Variants in CSMD3 observed in about 807,000 individuals in gnomAD.
CSMD3 encodes the protein CUB and Sushi multiple domains 3.
CSMD3 carries 177 observed loss-of-function variants against 435.2 expected under a neutral mutation model. The observed-to-expected ratio is 0.41, with a 90% CI of 0.36 to 0.46. The LOEUF is 0.46. CSMD3 is among the 20% of genes least tolerant of loss of function. The pLI is 0.34. For missense variants in CSMD3, 4,265 were observed against 4,504.6 expected (o/e 0.95, Z 1.52); for synonymous variants, 1,656 against 1,520.5 (o/e 1.09, Z -2.07).
intron 24 of CSMD3, among the ~76,000 whole-genome samples, chr8:112,562,051 A>T (rs1376142172): frequency 1.3e-5 from 2 of 151,650 alleles, no homozygotes; most frequent in Non-Finnish European, 3.0e-5. Context: ...TTGCACATGT[A>T]CACGTGTTTT....
chr8:113,374,903 G>C (rs888544539), intron 1 of CSMD3, among the ~76,000 whole-genome samples: 9 of 145,408 alleles, frequency 6.2e-5, no homozygotes, highest in African/African-American at 2.3e-4. Flanking sequence ...TAAGATTAAT[G>C]CTGCCTATAC....
chr8:112,851,316 A>G (rs2129725454), intron 11 of CSMD3, among the ~76,000 whole-genome samples: 1 of 152,262 alleles, frequency 6.6e-6, no homozygotes, highest in Non-Finnish European at 1.5e-5. Context: ...GAACAGATGG[A>G]TGCTGTGTAA....
chr8:113,042,049 A>T (rs1040503782), intron 5 of CSMD3, among the ~76,000 whole-genome samples: 1 of 152,198 alleles, frequency 6.6e-6, no homozygotes, highest in African/African-American at 2.4e-5. Context: ...CTCAATTTTA[A>T]TATGTATCTA....
At chr8:112,368,224 T>TACC (rs907973511) in intron 38 of CSMD3, among the ~76,000 whole-genome samples, 66 of 152,322 alleles carry the variant, frequency 4.3e-4, no homozygotes, top group African/African-American at 1.5e-3. Flanking sequence ...TCCCTGACTC[T>TACC]ACCACCAGTA....
chr8:112,629,536 T>C (rs1036765292), intron 22 of CSMD3, among the ~76,000 whole-genome samples: 2 of 152,134 alleles, frequency 1.3e-5, no homozygotes, highest in African/African-American at 4.8e-5. Context: ...AATCATAAAG[T>C]ATAGAAAATG....
chr8:112,325,657 C>G (rs2130897707), intron 45 of CSMD3, among the ~76,000 whole-genome samples: 1 of 151,986 alleles, frequency 6.6e-6, no homozygotes, highest in African/African-American at 2.4e-5. Context: ...AGTGTATATA[C>G]ATATATATTA....
intron 1 of CSMD3, among the ~76,000 whole-genome samples, chr8:113,363,055 C>A (rs1258767682): frequency 6.6e-6 from 1 of 152,196 alleles, no homozygotes; most frequent in Non-Finnish European, 1.5e-5. Flanking sequence ...ATAAAACCCT[C>A]TCCTCAATGT....
At chr8:112,683,330 G>T (rs1289390093) in intron 15 of CSMD3, among the ~76,000 whole-genome samples, 1 of 151,934 alleles carries the variant, frequency 6.6e-6, no homozygotes, top group African/African-American at 2.4e-5. Flanking sequence ...CTTGCCTAAT[G>T]TCATAGAAAT....
At chr8:112,564,479 G>A (rs967178887) in intron 24 of CSMD3, among the ~76,000 whole-genome samples, 1 of 151,478 alleles carries the variant, frequency 6.6e-6, no homozygotes, top group African/African-American at 2.4e-5. Flanking sequence ...ACTGTGTGTA[G>A]CTAAGATTCA....
intron 10 of CSMD3, among the ~76,000 whole-genome samples, chr8:112,899,681 A>ACC (rs2082055469): frequency 6.9e-6 from 1 of 144,242 alleles, no homozygotes; most frequent in African/African-American, 2.5e-5. Context: ...ACACACACAC[A>ACC]CACACACACA....
At chr8:112,270,343 A>AGTGTGTGTGT (rs10577337) in intron 59 of CSMD3, among the ~76,000 whole-genome samples, 66 of 124,306 alleles carry the variant, frequency 5.3e-4, no homozygotes, top group Admixed American at 2.6e-3. Flanking sequence ...CAGAGGGGTG[A>AGTGTGTGTGT]GTGTGTGTGT....
At chr8:112,938,364 T>C (rs1240523113) in intron 9 of CSMD3, among the ~76,000 whole-genome samples, 1 of 152,226 alleles carries the variant, frequency 6.6e-6, no homozygotes, top group African/African-American at 2.4e-5. Flanking sequence ...CGAATTGTGA[T>C]TCTTTCTTCT....
intron 50 of CSMD3, 56 bp downstream of exon 50, chr8:112,310,922 A>T (rs2130811492): frequency 1.4e-6 from 2 of 1,435,438 alleles, no homozygotes; most frequent in Non-Finnish European, 2.0e-6. Flanking sequence ...TAAAAACGTT[A>T]AATGGTGCTA....
At chr8:112,883,839 T>C (rs1219409982) in intron 10 of CSMD3, among the ~76,000 whole-genome samples, 1 of 148,738 alleles carries the variant, frequency 6.7e-6, no homozygotes, top group East Asian at 2.0e-4. Context: ...TTGCCAATTG[T>C]CACTTTTTTT....
chr8:112,427,368 T>C (rs948873041), intron 32 of CSMD3, among the ~76,000 whole-genome samples: 1 of 152,084 alleles, frequency 6.6e-6, no homozygotes, highest in East Asian at 1.9e-4. Context: ...GTTACCTCCA[T>C]GCTGTTCTCA....
intron 59 of CSMD3, among the ~76,000 whole-genome samples, chr8:112,278,358 A>C (rs1233321126): frequency 1.3e-5 from 2 of 152,184 alleles, no homozygotes; most frequent in Non-Finnish European, 2.9e-5. Context: ...CCAAGATTTA[A>C]ATGATAGATC....
chr8:112,410,638 GTATATATATATGTGTATATATATGTA>G (rs1563913197), intron 32 of CSMD3, among the ~76,000 whole-genome samples: 5 of 50,252 alleles, frequency 9.9e-5, no homozygotes, highest in Non-Finnish European at 2.0e-4. Context: ...GTATATATAT[GTATATATATATGTGTATATATATGTA>G]TATATATATG....
intron 1 of CSMD3, among the ~76,000 whole-genome samples, chr8:113,327,461 A>C (rs1423650434): frequency 6.6e-6 from 1 of 152,120 alleles, no homozygotes; most frequent in Non-Finnish European, 1.5e-5. Context: ...AAACTGCTGA[A>C]CCTTACTAAT....
At chr8:113,214,546 C>T (rs1179548665) in intron 3 of CSMD3, among the ~76,000 whole-genome samples, 1 of 151,912 alleles carries the variant, frequency 6.6e-6, no homozygotes, top group East Asian at 1.9e-4. Context: ...GTCTTCCAAT[C>T]AAGAAAACAG....
Sources: gnomAD v4.1 joint callset for allele counts (sites outside exome capture counted in the v4.1 genomes callset) on GRCh38, gnomAD v4.1.1 for gene constraint, MANE v1.5 for transcripts, NCBI Gene and HGNC (gene_info 2026-07-23, HGNC 2026-07-21) for gene names.